The following FMN2 variants were observed in gnomAD, a reference collection of about 807,000 sequenced individuals.
The protein encoded by FMN2 is formin-2.
Under a neutral mutation model 142.3 loss-of-function variants are expected in FMN2, and 51 were observed. The ratio of observed to expected loss-of-function variants is 0.36; its 90% CI spans 0.29 to 0.45. FMN2 has a LOEUF of 0.45. FMN2 is among the 20% of genes least tolerant of loss of function. The pLI, the probability that FMN2 is intolerant of heterozygous loss-of-function variation, is 1.00. For missense variants in FMN2, 1,936 were observed against 2,122.8 expected (o/e 0.91, Z 1.73); for synonymous variants, 882 against 869.8 (o/e 1.01, Z -0.25).
intron 15 of FMN2, among the ~76,000 whole-genome samples, chr1:240,432,409 G>A (rs1217785840): frequency 6.6e-6 from 1 of 151,800 alleles, no homozygotes; most frequent in East Asian, 1.9e-4. Context: ...ATCAGTCTGG[G>A]TAGGGGTTTA....
rs562926073 is a variant in FMN2 at position 240,474,365 on chromosome 1, A to G, written c.*211A>G. 5.6e-5 allele frequency: 27 copies of G among 485,874 alleles called. No homozygotes were observed. Among genetic ancestry groups the G allele is most frequent in the Middle Eastern group, 2.9e-4 (1 of 3,394 alleles). The allele number at this position is 485,874 out of a possible 1,614,324, so 30.1% of individuals were successfully genotyped here. A position where few individuals can be genotyped will look rare whatever the true frequency, so the allele number is the denominator to read the frequency against. On this transcript the variant is annotated 3_prime_UTR_variant, in exon 18 of 18. Transcript: ENST00000319653. ...ACGTACTAGACCAGTGGAGAATTTG[A>G]CACCTTTTCTTTTTGTAAAAGTTTA... is the stretch of plus-strand genomic sequence containing the variant.
intron 7 of FMN2, among the ~76,000 whole-genome samples, chr1:240,289,629 A>G (rs538214863): frequency 3.3e-5 from 5 of 152,222 alleles, no homozygotes; most frequent in South Asian, 4.2e-4. Flanking sequence ...GCAGTGAGCT[A>G]TGATCATACC....
Position 240,140,290 on chromosome 1 carries a change from T to G in FMN2, c.1782+16945T>G, listed in dbSNP as rs79268881. On this transcript the variant is annotated intron_variant, in intron 2 of 17. Coordinates refer to ENST00000319653, the MANE Select transcript of FMN2 (RefSeq NM_020066.5). ...ATGTACCAGGCTCTGTTTTAAGCAC[T>G]TTACAATTATTAACTGTTTTAATCT... Among the ~76,000 whole-genome samples, 504 of 152,320 alleles carry G rather than the reference T, an allele frequency of 3.3e-3. 3 individuals carry two copies. The highest frequency in any genetic ancestry group is 0.012 in the African/African-American group (491 of 41,580).
At chr1:240,165,805 G>A (rs527548657) in intron 2 of FMN2, among the ~76,000 whole-genome samples, 13 of 152,062 alleles carry the variant, frequency 8.5e-5, no homozygotes, top group East Asian at 7.7e-4. Flanking sequence ...GAAAATGTTC[G>A]ACCTGCCTTC....
intron 14 of FMN2, among the ~76,000 whole-genome samples, chr1:240,378,416 A>C (rs1391420243): frequency 6.6e-6 from 1 of 151,902 alleles, no homozygotes; most frequent in Non-Finnish European, 1.5e-5. Flanking sequence ...CTCCCAAAGT[A>C]CTGGGATTAC....
In FMN2 at chr1:240,329,114, T is replaced by C. The variant is rs6677726; in HGVS notation, c.4254T>C (p.His1418=). The C allele has an allele frequency of 0.08, 129,855 of 1,613,944 alleles. 7,648 individuals are homozygous for C. Among genetic ancestry groups the C allele is most frequent in the Admixed American group, 0.26 (15,656 of 59,996 alleles). ...QSDELEKIEK[H]GRSSKDKENA... is the part of the protein sequence containing the mutation. ...ACGAACTCGAAAAAATAGAAAAGCATGGCCGATCTTCCAAAGACAAGGAAA... is the reference window on the plus strand; with the variant it reads ...ACGAACTCGAAAAAATAGAAAAGCACGGCCGATCTTCCAAAGACAAGGAAA... The change falls in exon 9 of 18, where the codon CAT becomes CAC. Residue 1418 remains histidine, a synonymous_variant. Transcript: ENST00000319653.
At chr1:240,190,062 T>C (rs1665642793) in intron 4 of FMN2, among the ~76,000 whole-genome samples, 1 of 152,338 alleles carries the variant, frequency 6.6e-6, no homozygotes, top group East Asian at 1.9e-4. Context: ...TTGCTTTCTA[T>C]ATTATGCTAT....
At chr1:240,332,376 A>AAAAG (rs34061935) in intron 11 of FMN2, among the ~76,000 whole-genome samples, 81,912 of 150,334 alleles carry the variant, frequency 0.54, 23,378 homozygotes, top group African/African-American at 0.73. Context: ...CTCAAAAAAA[A>AAAAG]AAAGAAAGAA....
At chr1:240,284,030 A>G (rs1460328108) in intron 7 of FMN2, among the ~76,000 whole-genome samples, 1 of 152,118 alleles carries the variant, frequency 6.6e-6, no homozygotes, top group Non-Finnish European at 1.5e-5. Context: ...CTGGTACAGT[A>G]GCAGCAATTG....
chr1:240,361,165 A>G lies in FMN2; in HGVS notation c.4858+5257A>G, dbSNP rs1268580735. On this transcript the variant is annotated intron_variant, in intron 14 of 17. Transcript: ENST00000319653. ...TGTATATATATATATATATATATAT[A>G]TATATATATATATATATATAAAAGA... Among the ~76,000 whole-genome samples, 391 of 65,886 alleles carry G rather than the reference A, an allele frequency of 5.9e-3. 8 individuals carry two copies. The highest frequency in any genetic ancestry group is 0.027 in the African/African-American group (371 of 13,664). The allele number at this position is 65,886 out of a possible 152,430, so 43.2% of individuals were successfully genotyped here. A position where few individuals can be genotyped will look rare whatever the true frequency, so the allele number is the denominator to read the frequency against.
chr1:240,159,901 C>T (rs1315444114), intron 2 of FMN2, among the ~76,000 whole-genome samples: 2 of 75,684 alleles, frequency 2.6e-5, no homozygotes, highest in South Asian at 4.8e-4. Flanking sequence ...ATATATATAT[C>T]TGTGTATATA....
chr1:240,441,088 A>G (rs933510473), intron 16 of FMN2, among the ~76,000 whole-genome samples: 3 of 145,998 alleles, frequency 2.1e-5, no homozygotes, highest in Non-Finnish European at 4.5e-5. Context: ...TCTGCCTCCC[A>G]GGTTCAAGCG....
chr1:240,387,820 A>G (rs1248900094), intron 14 of FMN2, among the ~76,000 whole-genome samples: 1 of 152,182 alleles, frequency 6.6e-6, no homozygotes, highest in African/African-American at 2.4e-5. Context: ...TGATGTGGGC[A>G]TAAAGGAAAG....
chr1:240,168,139 C>T (rs1170936480), intron 2 of FMN2, among the ~76,000 whole-genome samples: 1 of 152,156 alleles, frequency 6.6e-6, no homozygotes, highest in Non-Finnish European at 1.5e-5. Context: ...CTTCCCCTCT[C>T]AAAACAATTC....
At chr1:240,178,127 T>A in intron 3 of FMN2, 59 bp downstream of exon 3, 1 of 1,386,022 alleles carries the variant, frequency 7.2e-7, no homozygotes, top group Non-Finnish European at 9.4e-7. Context: ...GAGAGAGAAG[T>A]TTTATTAAAT....
intron 2 of FMN2, 125 bp downstream of exon 2, chr1:240,123,470 T>G: frequency 1.2e-6 from 1 of 853,610 alleles, no homozygotes; most frequent in Non-Finnish European, 1.7e-6. Flanking sequence ...TTTTTTTCCT[T>G]AGCTGCTCAA....
intron 14 of FMN2, among the ~76,000 whole-genome samples, chr1:240,374,447 G>A (rs151093512): frequency 5.9e-5 from 9 of 152,238 alleles, no homozygotes; most frequent in African/African-American, 1.7e-4. Flanking sequence ...AGCCACCTTC[G>A]TCGATTATCT....
chr1:240,193,661 G>A (rs1343286471), intron 4 of FMN2, among the ~76,000 whole-genome samples: 3 of 152,240 alleles, frequency 2.0e-5, no homozygotes, highest in Non-Finnish European at 2.9e-5. Context: ...CTGCCCTGGA[G>A]ACCCAGGTTT....
chr1:240,340,278 G>A (rs1180256673), intron 13 of FMN2, among the ~76,000 whole-genome samples: 1 of 152,016 alleles, frequency 6.6e-6, no homozygotes, highest in African/African-American at 2.4e-5. Context: ...GTGAGTGAAT[G>A]GGTGTTAAAC....
Sources: gnomAD v4.1 joint callset for allele counts (sites outside exome capture counted in the v4.1 genomes callset) on GRCh38, gnomAD v4.1.1 for gene constraint, MANE v1.5 for transcripts, NCBI Gene and HGNC (gene_info 2026-07-23, HGNC 2026-07-21) for gene names.